NPY1R: variants seen among roughly 807,000 people sequenced by gnomAD.
NPY1R encodes neuropeptide Y receptor Y1.
In NPY1R, 10 loss-of-function variants were observed where a neutral mutation model predicts 24.1. The ratio of observed to expected loss-of-function variants is 0.42; its 90% CI spans 0.26 to 0.71. The LOEUF (loss-of-function observed/expected upper bound fraction) is 0.71. Ranked by LOEUF, NPY1R falls within the 30% of genes least tolerant of loss-of-function variation. The pLI is 0.28. For synonymous variants in NPY1R, 168 were observed against 165.9 expected (o/e 1.01, Z -0.10); for missense variants, 350 against 458.0 (o/e 0.76, Z 2.15).
chr4:163,334,100 T>C (rs564415961), upstream of NPY1R, among the ~76,000 whole-genome samples: 2 of 152,290 alleles, frequency 1.3e-5, no homozygotes, highest in South Asian at 4.1e-4. Flanking sequence ...ATAACTAATA[T>C]TCATTCAGGT....
upstream of NPY1R, among the ~76,000 whole-genome samples, chr4:163,335,982 C>G (rs911259858): frequency 6.6e-6 from 1 of 152,162 alleles, no homozygotes; most frequent in African/African-American, 2.4e-5. Context: ...ATTCATCTGA[C>G]TTTTGGAGAG....
At chr4:163,331,846 A>C (rs1734735472) in intron 1 of NPY1R, among the ~76,000 whole-genome samples, 1 of 152,190 alleles carries the variant, frequency 6.6e-6, no homozygotes, top group South Asian at 2.1e-4. Flanking sequence ...GCAGCGCCAC[A>C]CTCGAAGCGC....
At chr4:163,340,913 T>A (rs994631987) in intron 1 of NPY1R, among the ~76,000 whole-genome samples, 10 of 152,118 alleles carry the variant, frequency 6.6e-5, no homozygotes, top group African/African-American at 2.2e-4. Flanking sequence ...TATGGTATAA[T>A]CATTAGGGCA....
In NPY1R at chr4:163,326,454, T is replaced by A; in HGVS notation, c.101A>T (p.His34Leu). 2.5e-6 allele frequency: 4 copies of A among 1,613,944 alleles called. No individual in the cohort carries two copies. The highest frequency in any genetic ancestry group is 8.5e-7 in the Non-Finnish European group (1 of 1,179,820). Residue 34 changes from histidine to leucine, a missense_variant, in exon 2 of 3, where the codon CAT becomes CTT. Transcript: ENST00000296533. ...QLLAFENDDC[H>L]LPLAMIFTLA... ...GGTAAATATCATGGCCAAGGGCAGA[T>A]GACAATCATCATTTTCAAAAGCCAG...
chr4:163,335,135 GCCT>G, upstream of NPY1R, among the ~76,000 whole-genome samples: 1 of 152,074 alleles, frequency 6.6e-6, no homozygotes, highest in East Asian at 1.9e-4. Context: ...ATAATCAGCT[GCCT>G]ACTTTCCTAT....
At position 163,325,753 on chromosome 4, in the gene NPY1R, A is replaced by C; in HGVS notation, c.705T>G (p.Tyr235Ter). ...CFIFICYFKI[Y>*]IRLKRRNNMM... ...TGTTGTTTCTCCTTTTTAGGCGTATATATATCTATGGAAGAAAAAAGTTTA... is the reference window on the plus strand; with the variant it reads ...TGTTGTTTCTCCTTTTTAGGCGTATCTATATCTATGGAAGAAAAAAGTTTA... Residue 235 changes from tyrosine to a stop codon, truncating the protein, a stop_gained, in exon 3 of 3, where the codon TAT (tyrosine) becomes TAG (stop). Coordinates refer to ENST00000296533, the MANE Select transcript of NPY1R (RefSeq NM_000909.6). LOFTEE classifies it high-confidence loss of function. 3 of 1,586,498 alleles carry C rather than the reference A, an allele frequency of 1.9e-6. No individual in the cohort carries two copies. The highest frequency in any genetic ancestry group is 2.6e-6 in the Non-Finnish European group (3 of 1,165,794).
chr4:163,333,122 C>T (rs1347687245), upstream of NPY1R: 1 of 151,842 alleles, frequency 6.6e-6, no homozygotes, highest in East Asian at 1.9e-4. Context: ...AAGAGAAGAC[C>T]TTTAAAAAGT....
At position 163,326,647 on chromosome 4, in the gene NPY1R, A is replaced by G. The variant is rs1734616519; in HGVS notation, c.-93T>C. 2.7e-6 allele frequency: 2 copies of G among 752,256 alleles called. No homozygotes were observed. Among genetic ancestry groups the G allele is most frequent in the African/African-American group, 1.8e-5 (1 of 56,492 alleles). The allele number at this position is 752,256 out of a possible 1,614,324, so 46.6% of individuals were successfully genotyped here. On this transcript the variant is annotated 5_prime_UTR_variant, in exon 2 of 3. An upstream start codon of the reference 5' UTR is lost. Transcript: ENST00000296533. The stretch of plus-strand genomic sequence containing the variant: ...ACTGTTCAGCTTATTCTTATTCCCC[A>G]TATTGGAATCCATTTACCAAAATTA...
rs1436591792 is a variant in NPY1R at position 163,332,553 on chromosome 4, G to A, written c.-223C>T. 10 of 152,192 alleles carry A rather than the reference G, an allele frequency of 6.6e-5. No homozygotes were observed. Among genetic ancestry groups the A allele is most frequent in the Non-Finnish European group, 1.5e-4 (10 of 68,074 alleles). 9.4% of individuals were successfully genotyped at this position (152,192 alleles called of 1,614,324 possible). ...GGGTGGGAATGGAAGGGAGCAGAGT[G>A]GGGAAGATCCGCTGGTATTTCTCCT... On this transcript the variant is annotated 5_prime_UTR_variant, in exon 1 of 3. Transcript: ENST00000296533.
At position 163,325,086 on chromosome 4, in the gene NPY1R, T is replaced by C; in HGVS notation, c.*217A>G. The C allele has an allele frequency of 1.9e-6, 1 of 527,964 alleles. No homozygotes were observed. The highest frequency in any genetic ancestry group is 3.3e-6 in the Non-Finnish European group (1 of 301,152). 32.7% of individuals were successfully genotyped at this position (527,964 alleles called of 1,614,324 possible). ...CAAAAAGCACTTCAAAGATGTCTGG[T>C]CAAAACTATTTCCAGAAGACCCCAA... On this transcript the variant is annotated 3_prime_UTR_variant, in exon 3 of 3. Transcript: ENST00000296533.
Position 163,330,529 on chromosome 4 carries a change from T to C in NPY1R, c.-152+1953A>G, listed in dbSNP as rs373963220. Among the ~76,000 whole-genome samples, 16 of 152,332 alleles carry C rather than the reference T, an allele frequency of 1.1e-4. 1 individual carries two copies. Among genetic ancestry groups the C allele is most frequent in the African/African-American group, 3.8e-4 (16 of 41,566 alleles). On this transcript the variant is annotated intron_variant, in intron 1 of 2. Coordinates refer to ENST00000296533, the MANE Select transcript of NPY1R (RefSeq NM_000909.6). Reference sequence around the variant, plus strand: ...AATAACTGTCAGAAAATAACAATACTAAGAGAGAATTTACACACTTTATCT... The same window carrying C: ...AATAACTGTCAGAAAATAACAATACCAAGAGAGAATTTACACACTTTATCT...
intron 2 of NPY1R, 43 bp downstream of exon 2, chr4:163,325,812 TA>T (rs776044233): frequency 6.3e-7 from 1 of 1,578,010 alleles, no homozygotes; most frequent in South Asian, 1.1e-5. Context: ...GAATTCTGTG[TA>T]AAGAAGGTAA....
rs572613622 is a variant in NPY1R, at chr4:163,342,637, G to C, written c.-152+1668C>G. On this transcript the variant is annotated intron_variant, in intron 1 of 1. Coordinates refer to the NPY1R transcript ENST00000511901. ...TTTAAAAGCTCTTGGATGACTCTTT[G>C]ACTGATGAAATAGCAATCTATACAG... Among the ~76,000 whole-genome samples, 4 of 152,228 alleles carry C rather than the reference G, an allele frequency of 2.6e-5. No homozygotes were observed. The South Asian group carries it at 8.3e-4, about 32-fold the overall frequency.
Position 163,325,092 on chromosome 4 carries a change from C to A in NPY1R, c.*211G>T. On this transcript the variant is annotated 3_prime_UTR_variant, in exon 3 of 3. Coordinates refer to ENST00000296533, the MANE Select transcript of NPY1R (RefSeq NM_000909.6). Reference sequence around the variant, plus strand: ...GCACTTCAAAGATGTCTGGTCAAAACTATTTCCAGAAGACCCCAAAGCCCA... The same window carrying A: ...GCACTTCAAAGATGTCTGGTCAAAAATATTTCCAGAAGACCCCAAAGCCCA... 1.9e-6 allele frequency: 1 copy of A among 531,124 alleles called. No individual in the cohort carries two copies. Among genetic ancestry groups the A allele is most frequent in the South Asian group, 2.7e-5 (1 of 37,278 alleles). The allele number at this position is 531,124 out of a possible 1,614,324, so 32.9% of individuals were successfully genotyped here. A position where few individuals can be genotyped will look rare whatever the true frequency, so the allele number is the denominator to read the frequency against.
chr4:163,328,087 G>GGTTT (rs1553970550), intron 1 of NPY1R, among the ~76,000 whole-genome samples: 2 of 57,334 alleles, frequency 3.5e-5, no homozygotes, highest in Non-Finnish European at 3.8e-5. Flanking sequence ...TAGAACATGA[G>GGTTT]TTTTTTTTTT....
At chr4:163,344,574 C>T (rs558702831) in exon 1 of NPY1R, 1 of 152,370 alleles carries the variant, frequency 6.6e-6, no homozygotes, top group African/African-American at 2.4e-5. Context: ...AGCGCTGACC[C>T]GAGCCCGGGA....
At chr4:163,343,035 G>T (rs1735044939) in intron 1 of NPY1R, among the ~76,000 whole-genome samples, 1 of 144,400 alleles carries the variant, frequency 6.9e-6, no homozygotes, top group Non-Finnish European at 1.5e-5. Flanking sequence ...CGCGCCTAAA[G>T]TACCTGCCAC....
chr4:163,340,916 T>C (rs1734964626), intron 1 of NPY1R, among the ~76,000 whole-genome samples: 1 of 152,204 alleles, frequency 6.6e-6, no homozygotes, highest in East Asian at 1.9e-4. Flanking sequence ...GGTATAATCA[T>C]TAGGGCATCA....
upstream of NPY1R, among the ~76,000 whole-genome samples, chr4:163,333,181 T>A (rs12507653): frequency 0.55 from 83,069 of 151,746 alleles, 25,066 homozygotes; most frequent in Non-Finnish European, 0.67. Flanking sequence ...AGAAAATGCA[T>A]TAAGTCAGAT....
Sources: gnomAD v4.1 joint callset for allele counts (sites outside exome capture counted in the v4.1 genomes callset) on GRCh38, gnomAD v4.1.1 for gene constraint, MANE v1.5 for transcripts, NCBI Gene and HGNC (gene_info 2026-07-23, HGNC 2026-07-21) for gene names.